The following ZNF462 variants were observed in gnomAD, a reference collection of about 807,000 sequenced individuals.
The protein encoded by ZNF462 is zinc finger PBX1-interacting protein.
ZNF462 carries 10 observed loss-of-function variants against 201.9 expected under a neutral mutation model. The observed-to-expected ratio is 0.05, with a 90% CI of 0.03 to 0.08. ZNF462 has a LOEUF of 0.08. ZNF462 is among the 10% of genes least tolerant of loss of function. The pLI is 1.00. For missense variants in ZNF462, 2,523 were observed against 3,168.3 expected, an observed-to-expected ratio of 0.80 and a Z score of 4.89; for synonymous variants, 1,227 against 1,193.3, an observed-to-expected ratio of 1.03 and a Z score of -0.58.
At position 106,938,875 on chromosome 9, in the gene ZNF462, C is replaced by T. The variant is rs1379580955; in HGVS notation, c.6236-41C>T. ...CACCCTGGCCTTATACCCTTCTCCC[C>T]TCTTTTTCCTGTTCTATTTCTTGTC... On this transcript the variant is annotated intron_variant, in intron 6 of 12. Transcript: ENST00000277225. This position sits in a 1 kb window ranked among gnomAD's most constrained non-coding sequence, Gnocchi z 4.4. The T allele has an allele frequency of 1.9e-6, 3 of 1,557,730 alleles. No individual in the cohort carries two copies. Among genetic ancestry groups the T allele is most frequent in the South Asian group, 1.2e-5 (1 of 80,544 alleles).
chr9:107,004,090 T>C (rs907406532), intron 11 of ZNF462, among the ~76,000 whole-genome samples: 13 of 152,318 alleles, frequency 8.5e-5, no homozygotes, highest in African/African-American at 3.1e-4. Context: ...TATATTTAGT[T>C]GTGGATATAC....
chr9:106,864,963 A>G lies in ZNF462; in HGVS notation c.-31+1608A>G, dbSNP rs148099543. On this transcript the variant is annotated intron_variant, in intron 1 of 12. Transcript: ENST00000277225. The stretch of plus-strand genomic sequence containing the variant: ...TTCCAGGAGACAAAGCTGAGATGAG[A>G]AGTGTTTATAAAATTATGGATGTCT... 9.2e-5 allele frequency among the ~76,000 whole-genome samples: 14 copies of G among 152,128 alleles called. No individual in the cohort carries two copies. The East Asian group carries it at 2.1e-3, about 23-fold the overall frequency.
intron 10 of ZNF462, among the ~76,000 whole-genome samples, chr9:106,992,002 GT>G (rs1220547681): frequency 4.6e-5 from 7 of 151,638 alleles, no homozygotes; most frequent in Admixed American, 2.0e-4. Context: ...TGATGCAAAA[GT>G]TATGGACAAC....
chr9:106,888,357 C>A (rs897303574), intron 1 of ZNF462, among the ~76,000 whole-genome samples: 7 of 152,194 alleles, frequency 4.6e-5, no homozygotes, highest in African/African-American at 7.2e-5. Context: ...GGATTTAGAT[C>A]TACCACCAGA....
intron 7 of ZNF462, among the ~76,000 whole-genome samples, chr9:106,951,110 T>G (rs1831327337): frequency 6.6e-6 from 1 of 152,060 alleles, no homozygotes; most frequent in Non-Finnish European, 1.5e-5. Flanking sequence ...AAATTTAAGT[T>G]CAAGGTTTAA....
rs1025252234 is a variant in ZNF462 at position 106,876,660 on chromosome 9, C to T, written c.-31+13305C>T. ...AAAAAGTACATTTATATGGTAACAA[C>T]GCCTTCAACCTGACCTTGCAGAGCT... On this transcript the variant is annotated intron_variant, in intron 1 of 12. Coordinates refer to ENST00000277225, the MANE Select transcript of ZNF462 (RefSeq NM_021224.6). The surrounding 1 kb of genome is among the most constrained non-coding windows in gnomAD (Gnocchi z 4.9). 6.6e-6 allele frequency among the ~76,000 whole-genome samples: 1 copy of T among 152,146 alleles called. No homozygotes were observed. The highest frequency in any genetic ancestry group is 2.1e-4 in the South Asian group (1 of 4,826).
At chr9:106,914,095 A>T (rs562478682) in intron 1 of ZNF462, among the ~76,000 whole-genome samples, 1 of 149,188 alleles carries the variant, frequency 6.7e-6, no homozygotes, top group African/African-American at 2.4e-5. Context: ...CTGAAAACTC[A>T]TCATGATATC....
chr9:106,985,371 A>C (rs906674064), intron 10 of ZNF462, among the ~76,000 whole-genome samples: 2 of 152,184 alleles, frequency 1.3e-5, no homozygotes, highest in Non-Finnish European at 2.9e-5. Context: ...TGAATACATT[A>C]GTACAGGACA....
chr9:106,878,840 T>C (rs1202710868), intron 1 of ZNF462, among the ~76,000 whole-genome samples: 2 of 152,242 alleles, frequency 1.3e-5, no homozygotes, highest in Non-Finnish European at 2.9e-5. Flanking sequence ...GATTTAAATA[T>C]TTACTCCAAA....
intron 1 of ZNF462, among the ~76,000 whole-genome samples, chr9:106,897,659 GA>G (rs1354091612): frequency 1.3e-5 from 2 of 152,154 alleles, no homozygotes; most frequent in East Asian, 3.8e-4. Flanking sequence ...CAGAGGCAGG[GA>G]CAGAATAAGG....
chr9:106,914,608 G>T (rs564202695), intron 1 of ZNF462, among the ~76,000 whole-genome samples: 1 of 152,160 alleles, frequency 6.6e-6, no homozygotes, highest in Non-Finnish European at 1.5e-5. Flanking sequence ...CCTTCATTCA[G>T]CGTATATTTC....
chr9:107,012,454 T>C lies in ZNF462; in HGVS notation c.*1424T>C, dbSNP rs1345077967. The C allele has an allele frequency of 1.4e-5, 2 of 147,656 alleles. No individual in the cohort carries two copies. Among genetic ancestry groups the C allele is most frequent in the Non-Finnish European group, 3.0e-5 (2 of 66,858 alleles). The allele number at this position is 147,656 out of a possible 1,614,324, so 9.1% of individuals were successfully genotyped here. A position where few individuals can be genotyped will look rare whatever the true frequency, so the allele number is the denominator to read the frequency against. On this transcript the variant is annotated 3_prime_UTR_variant, in exon 13 of 13. Coordinates refer to ENST00000277225, the MANE Select transcript of ZNF462 (RefSeq NM_021224.6). ...TTCTTTCTTTCTTTTTTTTTTTTTT[T>C]TTTTTTTTTTAAATCTAGCTGCCAG... is the stretch of plus-strand genomic sequence containing the variant.
chr9:106,906,291 T>C (rs1012360625), intron 1 of ZNF462, among the ~76,000 whole-genome samples: 1 of 152,172 alleles, frequency 6.6e-6, no homozygotes, highest in African/African-American at 2.4e-5. Context: ...AGAGGGCCTG[T>C]GGGGTCCTCT....
chr9:106,988,434 G>A (rs930843985), intron 10 of ZNF462, among the ~76,000 whole-genome samples: 1 of 152,078 alleles, frequency 6.6e-6, no homozygotes, highest in East Asian at 1.9e-4. Context: ...AATTCAAGAT[G>A]AGATTTGGGT....
intron 1 of ZNF462, among the ~76,000 whole-genome samples, chr9:106,894,549 A>T (rs1240351094): frequency 6.6e-6 from 1 of 152,174 alleles, no homozygotes; most frequent in South Asian, 2.1e-4. Context: ...TAAATCTCTC[A>T]CTCCAGATGT....
rs1041464098 is a variant in ZNF462, at chr9:106,950,037, A to G, written c.6427+10930A>G. 6.6e-6 allele frequency among the ~76,000 whole-genome samples: 1 copy of G among 152,164 alleles called. No homozygotes were observed. Among genetic ancestry groups the G allele is most frequent in the Non-Finnish European group, 1.5e-5 (1 of 68,024 alleles). ...TAGCCGTTTCAAAGGGGCTTTCTCC[A>G]GCATCCTGGTTTCTCTCGTCCCCTC... On this transcript the variant is annotated intron_variant, in intron 7 of 12. Transcript: ENST00000277225. This position sits in a 1 kb window ranked among gnomAD's most constrained non-coding sequence, Gnocchi z 4.1.
chr9:106,862,025 G>C (rs1372869801), upstream of ZNF462, among the ~76,000 whole-genome samples: 1 of 152,134 alleles, frequency 6.6e-6, no homozygotes, highest in Non-Finnish European at 1.5e-5. This position sits in a 1 kb window ranked among gnomAD's most constrained non-coding sequence, Gnocchi z 4.2. Flanking sequence ...GTTAGGAAAA[G>C]AAAGTGGTGG....
In ZNF462 at chr9:106,925,736, C is replaced by T. The variant is rs1310158227; in HGVS notation, c.1824C>T (p.Ser608=). 1 of 1,614,206 alleles carries T rather than the reference C, an allele frequency of 6.2e-7. No individual in the cohort carries two copies. Among genetic ancestry groups the T allele is most frequent in the Admixed American group, 1.7e-5 (1 of 60,022 alleles). ...ACAAATGCACCATGTGTAATTACTCCACCACAACTCTGAAAGGGCTAAGAG... is the reference window on the plus strand; with the variant it reads ...ACAAATGCACCATGTGTAATTACTCTACCACAACTCTGAAAGGGCTAAGAG... ...HPYKCTMCNY[S]TTTLKGLRVH... is the part of the protein sequence containing the mutation. Residue 608 remains serine (S), a synonymous_variant, in exon 3 of 13, where the codon TCC becomes TCT. Transcript: ENST00000277225. The surrounding 1 kb of genome is among the most constrained non-coding windows in gnomAD (Gnocchi z 7.9).
intron 1 of ZNF462, among the ~76,000 whole-genome samples, chr9:106,901,998 A>T (rs1829084748): frequency 6.6e-6 from 1 of 152,124 alleles, no homozygotes; most frequent in Non-Finnish European, 1.5e-5. Flanking sequence ...GTCTTGTTCC[A>T]GTTCTCAGAG....
Sources: allele counts gnomAD v4.1 joint callset (sites outside exome capture counted in the v4.1 genomes callset), GRCh38; gene constraint gnomAD v4.1.1; non-coding constraint Gnocchi (gnomAD v3.1); transcripts MANE v1.5; gene names NCBI Gene and HGNC (gene_info 2026-07-23, HGNC 2026-07-21).